CHRM3: variants seen among roughly 807,000 people sequenced by gnomAD.
CHRM3 encodes the protein muscarinic acetylcholine receptor M3.
CHRM3 carries 11 observed loss-of-function variants against 41.8 expected under a neutral mutation model. The ratio of observed to expected loss-of-function variants is 0.26; its 90% CI spans 0.17 to 0.44. The LOEUF is 0.44. Among genes scored for constraint, CHRM3 ranks in the 20% least tolerant of loss-of-function variants. The probability of loss-of-function intolerance (pLI) is 1.00; values close to 1 mark genes in which losing one functional copy is unlikely to be tolerated. For synonymous variants in CHRM3, 297 were observed against 301.4 expected (o/e 0.99, Z 0.15); for missense variants, 571 against 745.4 (o/e 0.77, Z 2.72).
At chr1:239,411,556 C>A (rs1384730172) in intron 1 of CHRM3, among the ~76,000 whole-genome samples, 2 of 151,640 alleles carry the variant, frequency 1.3e-5, no homozygotes, top group Admixed American at 6.6e-5. Flanking sequence ...GAAACCCCAT[C>A]TTTACTAAAA....
At chr1:239,581,283 C>T (rs1409481956) in intron 3 of CHRM3, among the ~76,000 whole-genome samples, 3 of 151,920 alleles carry the variant, frequency 2.0e-5, no homozygotes, top group Admixed American at 6.6e-5. Flanking sequence ...CTAAGTATCC[C>T]TATGTTTTAA....
At chr1:239,742,228 C>T (rs1014767203) in intron 5 of CHRM3, among the ~76,000 whole-genome samples, 45 of 152,104 alleles carry the variant, frequency 3.0e-4, no homozygotes, top group African/African-American at 9.9e-4. Context: ...GCTGCTATCT[C>T]AGTTATCTAT....
chr1:239,466,621 G>A (rs1665749310), intron 1 of CHRM3, among the ~76,000 whole-genome samples: 1 of 151,642 alleles, frequency 6.6e-6, no homozygotes, highest in South Asian at 2.1e-4. Context: ...CAATTATTAT[G>A]TATTATAATA....
chr1:239,761,291 C>T (rs1419407247), intron 5 of CHRM3, among the ~76,000 whole-genome samples: 1 of 152,158 alleles, frequency 6.6e-6, no homozygotes, highest in East Asian at 1.9e-4. Context: ...CCTTCTTCAA[C>T]ATAGAGAGAG....
chr1:239,793,814 T>A (rs1017756656), intron 5 of CHRM3, among the ~76,000 whole-genome samples: 7 of 139,476 alleles, frequency 5.0e-5, no homozygotes, highest in African/African-American at 1.9e-4. Flanking sequence ...TTTTTTTTTT[T>A]TTTTTTTTTT....
Position 239,738,468 on chromosome 1 carries a change from C to T in CHRM3, c.-147+60180C>T, listed in dbSNP as rs142530000. 3.7e-4 allele frequency among the ~76,000 whole-genome samples: 57 copies of T among 152,244 alleles called. No individual in the cohort carries two copies. The East Asian group carries it at 0.01, about 28-fold the overall frequency. On this transcript the variant is annotated intron_variant, in intron 5 of 6. Transcript: ENST00000676153. ...GGGATTATTATCCCAAGGCCAGGCT[C>T]AGGGGGGGTTTGGGAGTCCAGGAAG...
At chr1:239,437,530 T>G (rs886224426) in intron 1 of CHRM3, among the ~76,000 whole-genome samples, 2 of 152,092 alleles carry the variant, frequency 1.3e-5, no homozygotes, top group African/African-American at 4.8e-5. Context: ...AAGCCTTTCT[T>G]TTTATTTTTA....
chr1:239,907,756 T>C lies in CHRM3; in HGVS notation c.305T>C (p.Val102Ala), dbSNP rs907686270. 1.2e-6 allele frequency: 2 copies of C among 1,614,196 alleles called. No homozygotes were observed. Among genetic ancestry groups the C allele is most frequent in the Non-Finnish European group, 1.7e-6 (2 of 1,180,042 alleles). Residue 102 changes from valine (V) to alanine (A), a missense_variant, in exon 7 of 7, where the codon GTC becomes GCC. Val to Ala is a moderately conservative substitution (Grantham distance 64, BLOSUM62 0). This residue lies in a region of CHRM3 where 153 missense variants were observed against 296.3 expected (regional missense o/e 0.52). Transcript: ENST00000676153. The surrounding 1 kb of genome is among the most constrained non-coding windows in gnomAD (Gnocchi z 5.4). The part of the protein sequence containing the change: ...SFKVNKQLKT[V>A]NNYFLLSLAC... ...AAGGTCAACAAGCAGCTGAAGACGGTCAACAACTACTTCCTCTTAAGCCTG... is the reference window on the plus strand; with the variant it reads ...AAGGTCAACAAGCAGCTGAAGACGGCCAACAACTACTTCCTCTTAAGCCTG...
chr1:239,758,827 G>A (rs1403901134), intron 5 of CHRM3, among the ~76,000 whole-genome samples: 3 of 152,096 alleles, frequency 2.0e-5, no homozygotes, highest in East Asian at 1.9e-4. Flanking sequence ...TCAGAAGCGC[G>A]CAAGTTGGTC....
At chr1:239,755,444 C>T (rs996290316) in intron 5 of CHRM3, among the ~76,000 whole-genome samples, 3 of 152,094 alleles carry the variant, frequency 2.0e-5, no homozygotes, top group African/African-American at 7.2e-5. Flanking sequence ...CCTCAAAGTC[C>T]ATTTATTCCT....
chr1:239,583,278 C>A (rs1159071952), intron 3 of CHRM3, among the ~76,000 whole-genome samples: 1 of 152,144 alleles, frequency 6.6e-6, no homozygotes, highest in African/African-American at 2.4e-5. Flanking sequence ...AACTTAATTA[C>A]AAATGATTCA....
At chr1:239,446,323 T>C (rs1664153538) in intron 1 of CHRM3, among the ~76,000 whole-genome samples, 1 of 152,144 alleles carries the variant, frequency 6.6e-6, no homozygotes. Context: ...TCAAACTGAA[T>C]AAGAAATCAA....
chr1:239,843,769 G>C (rs367774173), intron 6 of CHRM3, among the ~76,000 whole-genome samples: 1 of 152,004 alleles, frequency 6.6e-6, no homozygotes, highest in South Asian at 2.1e-4. Flanking sequence ...AGCTAAAATT[G>C]CTAGTTTTAG....
intron 5 of CHRM3, among the ~76,000 whole-genome samples, chr1:239,807,266 C>G (rs10925980): frequency 0.34 from 52,127 of 152,070 alleles, 10,705 homozygotes; most frequent in African/African-American, 0.58. Flanking sequence ...ATACATCATT[C>G]TAAATAATTC....
intron 5 of CHRM3, among the ~76,000 whole-genome samples, chr1:239,758,424 C>G (rs947982240): frequency 1.3e-5 from 2 of 152,072 alleles, no homozygotes; most frequent in Non-Finnish European, 2.9e-5. Flanking sequence ...CCCCAACAAA[C>G]AAGGTGCTAT....
intron 1 of CHRM3, among the ~76,000 whole-genome samples, chr1:239,398,114 C>T (rs1472005302): frequency 6.6e-6 from 1 of 152,038 alleles, no homozygotes; most frequent in African/African-American, 2.4e-5. Flanking sequence ...CTAGAGATAG[C>T]AGCAAAGGAG....
intron 6 of CHRM3, among the ~76,000 whole-genome samples, chr1:239,852,867 A>G (rs1674808360): frequency 6.6e-6 from 1 of 152,136 alleles, no homozygotes; most frequent in Non-Finnish European, 1.5e-5. Flanking sequence ...CATTGTGAAC[A>G]TTCTAATTTA....
At chr1:239,773,895 A>G (rs1214796075) in intron 5 of CHRM3, among the ~76,000 whole-genome samples, 2 of 152,188 alleles carry the variant, frequency 1.3e-5, no homozygotes, top group East Asian at 1.9e-4. Context: ...ACCTGCTCCA[A>G]TACTCCTTAG....
At chr1:239,512,053 T>C (rs549764892) in intron 2 of CHRM3, among the ~76,000 whole-genome samples, 7 of 152,128 alleles carry the variant, frequency 4.6e-5, no homozygotes, top group Non-Finnish European at 7.3e-5. Flanking sequence ...GCTGTTGGCA[T>C]GGCAACCAGA....
Sources: gnomAD v4.1 joint callset for allele counts (sites outside exome capture counted in the v4.1 genomes callset) on GRCh38, gnomAD v4.1.1 for gene constraint, gnomAD v4.1.1 regional missense constraint, Gnocchi (gnomAD v3.1) non-coding constraint, MANE v1.5 for transcripts, NCBI Gene and HGNC (gene_info 2026-07-23, HGNC 2026-07-21) for gene names.